The following SH3D19 variants were observed in gnomAD, a reference collection of about 807,000 sequenced individuals.
The protein encoded by SH3D19 is SH3 domain containing 19.
A neutral mutation model predicts 112.1 loss-of-function variants in SH3D19; 58 were observed. The observed-to-expected ratio is 0.52, with a 90% confidence interval of 0.42 to 0.64. SH3D19 has a LOEUF of 0.64. Ranked by LOEUF, SH3D19 falls within the 30% of genes least tolerant of loss-of-function variation. The pLI is 0.00. For synonymous variants in SH3D19, 391 were observed against 448.5 expected (o/e 0.87, Z 1.62); for missense variants, 1,090 against 1,263.4 (o/e 0.86, Z 2.08).
intron 9 of SH3D19, among the ~76,000 whole-genome samples, chr4:151,156,092 C>G (rs145358802): frequency 2.1e-3 from 313 of 152,122 alleles, no homozygotes; most frequent in African/African-American, 7.2e-3. Flanking sequence ...AAAAGAAATA[C>G]CTTGTAATAA....
intron 1 of SH3D19, among the ~76,000 whole-genome samples, chr4:151,285,254 C>G (rs375425101): frequency 6.6e-6 from 1 of 152,058 alleles, no homozygotes; most frequent in Non-Finnish European, 1.5e-5. Context: ...CAAGTCACTC[C>G]CATAAGAAAT....
chr4:151,160,445 A>G (rs1454168968), intron 8 of SH3D19, among the ~76,000 whole-genome samples: 1 of 152,240 alleles, frequency 6.6e-6, no homozygotes, highest in Admixed American at 6.5e-5. Context: ...TCAATTAAAC[A>G]AACAATACCT....
chr4:151,274,716 A>G (rs2150000154), intron 1 of SH3D19, among the ~76,000 whole-genome samples: 1 of 152,260 alleles, frequency 6.6e-6, no homozygotes, highest in African/African-American at 2.4e-5. Context: ...TGTTCTTATT[A>G]TTCCATAGAC....
At chr4:151,260,920 A>G (rs912222699) in intron 1 of SH3D19, among the ~76,000 whole-genome samples, 1 of 152,154 alleles carries the variant, frequency 6.6e-6, no homozygotes, top group Non-Finnish European at 1.5e-5. Flanking sequence ...TGACCATCCA[A>G]TAAAGACTCT....
chr4:151,242,103 A>G (rs1334970151), intron 1 of SH3D19, among the ~76,000 whole-genome samples: 1 of 151,906 alleles, frequency 6.6e-6, no homozygotes, highest in Admixed American at 6.6e-5. Context: ...AGGCAGGAGA[A>G]TTGCTTGAGC....
chr4:151,229,905 A>C (rs571957556), intron 1 of SH3D19, among the ~76,000 whole-genome samples: 1 of 152,222 alleles, frequency 6.6e-6, no homozygotes, highest in African/African-American at 2.4e-5. Flanking sequence ...ACGGAGTGAA[A>C]CTCTGTCTCA....
chr4:151,214,464 A>G, intron 2 of SH3D19, among the ~76,000 whole-genome samples: 1 of 81,296 alleles, frequency 1.2e-5, no homozygotes, highest in African/African-American at 4.1e-5. Flanking sequence ...CGGGGGGCTG[A>G]CCCCCCACCT....
intron 9 of SH3D19, 100 bp downstream of exon 9, chr4:151,159,140 T>C (rs1756696561): frequency 3.2e-6 from 2 of 633,240 alleles, no homozygotes; most frequent in African/African-American, 3.9e-5. Flanking sequence ...TTCTTGTTTT[T>C]AATCTGACCA....
chr4:151,253,222 C>G (rs1771543866), intron 1 of SH3D19, among the ~76,000 whole-genome samples: 1 of 152,180 alleles, frequency 6.6e-6, no homozygotes. Flanking sequence ...CTGCTCTGGC[C>G]ATAGTGTTTC....
intron 2 of SH3D19, among the ~76,000 whole-genome samples, chr4:151,196,679 C>G (rs1451151321): frequency 6.6e-6 from 1 of 151,744 alleles, no homozygotes; most frequent in Admixed American, 6.6e-5. Flanking sequence ...TTCTGCACAG[C>G]AAAACAAATA....
intron 1 of SH3D19, among the ~76,000 whole-genome samples, chr4:151,270,038 C>T (rs1446561529): frequency 6.6e-6 from 1 of 151,954 alleles, no homozygotes; most frequent in Non-Finnish European, 1.5e-5. Context: ...ACAGACCTGC[C>T]TAAAGCTGTT....
intron 19 of SH3D19, among the ~76,000 whole-genome samples, chr4:151,127,006 T>C (rs113878293): frequency 0.035 from 5,209 of 150,362 alleles, 297 homozygotes; most frequent in African/African-American, 0.12. Context: ...ACCTCCCGGG[T>C]TCATGCCATT....
At chr4:151,201,373 G>T (rs765037239) in intron 2 of SH3D19, among the ~76,000 whole-genome samples, 1 of 152,176 alleles carries the variant, frequency 6.6e-6, no homozygotes, top group Non-Finnish European at 1.5e-5. Flanking sequence ...AAAATACAGG[G>T]TGTTAATCAA....
chr4:151,167,713 C>A (rs1043346897), intron 7 of SH3D19, among the ~76,000 whole-genome samples: 17 of 151,936 alleles, frequency 1.1e-4, no homozygotes, highest in African/African-American at 3.9e-4. Context: ...AAGTGAGGAG[C>A]GCCTCTGCCC....
At chr4:151,255,019 G>C (rs1160171083) in intron 1 of SH3D19, among the ~76,000 whole-genome samples, 2 of 151,052 alleles carry the variant, frequency 1.3e-5, no homozygotes, top group Non-Finnish European at 3.0e-5. Context: ...TCCCAGTAGG[G>C]GCGGCCGGGC....
At chr4:151,144,289 C>T in intron 11 of SH3D19, 1 of 1,613,696 alleles carries the variant, frequency 6.2e-7, no homozygotes, top group Non-Finnish European at 8.5e-7. Context: ...GCACAGACAG[C>T]TTAAACGTAA....
chr4:151,221,126 T>C (rs909541032), intron 2 of SH3D19, among the ~76,000 whole-genome samples: 25 of 152,226 alleles, frequency 1.6e-4, no homozygotes, highest in African/African-American at 6.0e-4. Context: ...TTTTCCTTCT[T>C]AGTTTAGCAC....
Position 151,238,903 on chromosome 4 carries a change from C to T in SH3D19, c.113-12817G>A, listed in dbSNP as rs114127517. Among the ~76,000 whole-genome samples, 1,440 of 152,268 alleles carry T rather than the reference C, an allele frequency of 9.5e-3. 11 individuals carry two copies. The highest frequency in any genetic ancestry group is 0.038 in the Middle Eastern group (11 of 292). ...AGCCCACCCCTGTCCTTCCTCTCCA[C>T]TTCATTAACTTCCATCCAGACAACA... On this transcript the variant is annotated intron_variant, in intron 1 of 19. Coordinates refer to ENST00000604030, the MANE Select transcript of SH3D19 (RefSeq NM_001378122.1).
chr4:151,278,295 G>A lies in SH3D19; in HGVS notation c.112+46946C>T, dbSNP rs191879511. Among the ~76,000 whole-genome samples the A allele has an allele frequency of 2.6e-5, 4 of 151,768 alleles. No individual in the cohort carries two copies. In the East Asian group the frequency reaches 7.8e-4, roughly 30 times the overall value. ...GAGCATTTTTTTTTTAAGAGACAGAGTCTCACTCTGTCACCCAGGTTAGAG... is the reference window on the plus strand; with the variant it reads ...GAGCATTTTTTTTTTAAGAGACAGAATCTCACTCTGTCACCCAGGTTAGAG... On this transcript the variant is annotated intron_variant, in intron 1 of 19. Coordinates refer to ENST00000604030, the MANE Select transcript of SH3D19 (RefSeq NM_001378122.1).
Sources: gnomAD v4.1 joint callset for allele counts (sites outside exome capture counted in the v4.1 genomes callset) on GRCh38, gnomAD v4.1.1 for gene constraint, MANE v1.5 for transcripts, NCBI Gene and HGNC (gene_info 2026-07-23, HGNC 2026-07-21) for gene names.